Variants in CAMK2B observed in about 807,000 individuals in gnomAD.
The protein encoded by CAMK2B is calcium/calmodulin dependent protein kinase II beta.
In CAMK2B, 27 loss-of-function variants were observed where a neutral mutation model predicts 93.7. The observed-to-expected ratio is 0.29, with a 90% CI of 0.21 to 0.40. The LOEUF is 0.40. Ranked by LOEUF, CAMK2B falls within the 10% of genes least tolerant of loss-of-function variation. The pLI is 1.00. For missense variants in CAMK2B, 568 were observed against 895.8 expected (o/e 0.63, Z 4.67); for synonymous variants, 374 against 358.8 (o/e 1.04, Z -0.48).
At chr7:44,238,005 G>A (rs956159699) in intron 13 of CAMK2B, among the ~76,000 whole-genome samples, 1 of 152,198 alleles carries the variant, frequency 6.6e-6, no homozygotes, top group African/African-American at 2.4e-5. Context: ...GTCTCTCTGC[G>A]GGCCGAGGGG....
At chr7:44,266,635 G>A (rs1408664094) in intron 2 of CAMK2B, among the ~76,000 whole-genome samples, 1 of 152,158 alleles carries the variant, frequency 6.6e-6, no homozygotes, top group African/African-American at 2.4e-5. Context: ...AGCAGGTCCC[G>A]AGGCCAGCAG....
intron 2 of CAMK2B, among the ~76,000 whole-genome samples, chr7:44,279,001 C>T (rs1165004926): frequency 6.6e-6 from 1 of 152,218 alleles, no homozygotes; most frequent in African/African-American, 2.4e-5. Context: ...CAAGGGCAGA[C>T]AACCCAATTG....
rs188076471 is a variant in CAMK2B, at chr7:44,244,588, C to T, written c.415-1061G>A. ...CTGCTTCCATCTGATGCACTACCCT[C>T]GGGATCACACTGCCGCTTGATGAGC... On this transcript the variant is annotated intron_variant, in intron 6 of 23. Transcript: ENST00000395749. 1.5e-3 allele frequency among the ~76,000 whole-genome samples: 221 copies of T among 152,174 alleles called. 1 individual carries two copies. Among genetic ancestry groups the T allele is most frequent in the Admixed American group, 2.0e-3 (31 of 15,284 alleles).
At chr7:44,318,497 A>G (rs1477175618) in intron 1 of CAMK2B, among the ~76,000 whole-genome samples, 2 of 152,238 alleles carry the variant, frequency 1.3e-5, no homozygotes, top group Non-Finnish European at 2.9e-5. Context: ...TGTTCTCAGC[A>G]CTTGAATTCA....
chr7:44,254,662 C>T, intron 4 of CAMK2B, 55 bp from the exon 5 acceptor site: 1 of 1,193,306 alleles, frequency 8.4e-7, no homozygotes, highest in Non-Finnish European at 1.2e-6. Flanking sequence ...TCACACTGCA[C>T]TGTCACCTCC....
intron 6 of CAMK2B, 118 bp from the exon 7 acceptor site, chr7:44,243,645 G>C (rs1451088065): frequency 1.3e-6 from 1 of 750,756 alleles, no homozygotes; most frequent in East Asian, 2.7e-5. Flanking sequence ...CAGGTGCACA[G>C]GTCTGAGCCC....
chr7:44,320,117 G>A (rs1444037586), intron 1 of CAMK2B, among the ~76,000 whole-genome samples: 2 of 152,092 alleles, frequency 1.3e-5, no homozygotes, highest in Admixed American at 6.6e-5. Context: ...AGATCATATT[G>A]CCCTGGTAAT....
chr7:44,253,215 G>GT lies in CAMK2B; in HGVS notation c.341+1326dup, dbSNP rs528489020. 5.6e-3 allele frequency among the ~76,000 whole-genome samples: 811 copies of GT among 146,100 alleles called. 7 individuals are homozygous for GT. The highest frequency in any genetic ancestry group is 0.017 in the African/African-American group (682 of 39,868). The stretch of plus-strand genomic sequence containing the variant: ...TTTTAAAAAGAGTTTTTTTTTTTTG[G>GT]TTTTTTTTTTTGAGACAGAGTTTTG... On this transcript the variant is annotated intron_variant, in intron 5 of 23. Coordinates refer to ENST00000395749, the MANE Select transcript of CAMK2B (RefSeq NM_001220.5).
chr7:44,274,580 T>C (rs2097013795), intron 2 of CAMK2B, among the ~76,000 whole-genome samples: 2 of 152,176 alleles, frequency 1.3e-5, no homozygotes, highest in South Asian at 2.1e-4. Context: ...CGGTGGTCAC[T>C]ACCACTCCCC....
intron 13 of CAMK2B, among the ~76,000 whole-genome samples, 169 bp from the exon 14 acceptor site, chr7:44,234,845 C>T (rs531415508): frequency 1.2e-4 from 18 of 152,256 alleles, no homozygotes; most frequent in East Asian, 3.9e-4. Context: ...GGGGGGCCAT[C>T]CCATCACCCC....
At chr7:44,309,855 C>T (rs1461452711) in intron 1 of CAMK2B, among the ~76,000 whole-genome samples, 1 of 152,260 alleles carries the variant, frequency 6.6e-6, no homozygotes, top group Non-Finnish European at 1.5e-5. Context: ...AGCCTTGCAG[C>T]GACCTTCAAA....
chr7:44,323,394 C>G (rs1796645452), intron 1 of CAMK2B, among the ~76,000 whole-genome samples: 1 of 152,258 alleles, frequency 6.6e-6, no homozygotes, highest in South Asian at 2.1e-4. Context: ...GACAGAGAAG[C>G]CCAGCAGTCT....
At chr7:44,232,736 C>G in intron 16 of CAMK2B, 86 bp downstream of exon 16, 2 of 1,375,728 alleles carry the variant, frequency 1.5e-6, no homozygotes, top group Non-Finnish European at 2.1e-6. Context: ...CTGCCCTCCA[C>G]TCTGGCACAA....
At chr7:44,234,763 C>G (rs1399165355) in intron 13 of CAMK2B, 87 bp from the exon 14 acceptor site, 1 of 1,422,400 alleles carries the variant, frequency 7.0e-7, no homozygotes, top group African/African-American at 1.4e-5. Flanking sequence ...TGACCCCACT[C>G]TTTCCCCAGG....
intron 1 of CAMK2B, among the ~76,000 whole-genome samples, chr7:44,293,337 C>T (rs1787373571): frequency 6.6e-6 from 1 of 152,252 alleles, no homozygotes; most frequent in Non-Finnish European, 1.5e-5. Context: ...ACCAAATAAG[C>T]TCATGACAAA....
intron 1 of CAMK2B, among the ~76,000 whole-genome samples, chr7:44,321,582 A>C (rs903620581): frequency 8.5e-5 from 13 of 152,170 alleles, no homozygotes; most frequent in Non-Finnish European, 1.6e-4. Flanking sequence ...AATAAAACCA[A>C]ACATTTAAAG....
chr7:44,293,778 G>GTC (rs1359203083), intron 1 of CAMK2B, among the ~76,000 whole-genome samples: 1 of 152,144 alleles, frequency 6.6e-6, no homozygotes, highest in East Asian at 1.9e-4. Flanking sequence ...CCCATGGCTC[G>GTC]TCTCCTGCTG....
intron 15 of CAMK2B, 46 bp downstream of exon 15, chr7:44,234,344 A>T: frequency 6.9e-7 from 1 of 1,452,916 alleles, no homozygotes; most frequent in Non-Finnish European, 9.1e-7. Flanking sequence ...TCACACAGCC[A>T]GGGGCGTAGG....
intron 8 of CAMK2B, among the ~76,000 whole-genome samples, 200 bp downstream of exon 8, chr7:44,243,050 T>A (rs1056109959): frequency 6.6e-6 from 1 of 152,230 alleles, no homozygotes; most frequent in African/African-American, 2.4e-5. Flanking sequence ...GCCAGGTTCA[T>A]GTGAGCAATT....
Sources: allele counts gnomAD v4.1 joint callset (sites outside exome capture counted in the v4.1 genomes callset), GRCh38; gene constraint gnomAD v4.1.1; transcripts MANE v1.5; gene names NCBI Gene and HGNC (gene_info 2026-07-23, HGNC 2026-07-21).